The following NTAN1 variants were observed in gnomAD, a reference collection of about 807,000 sequenced individuals.
NTAN1 encodes protein N-terminal asparagine amidohydrolase.
NTAN1 carries 32 observed loss-of-function variants against 41.9 expected under a neutral mutation model. The observed-to-expected ratio is 0.76, with a 90% CI of 0.58 to 1.03. The LOEUF (loss-of-function observed/expected upper bound fraction) is 1.03, where lower values mean the gene tolerates loss of function less well. NTAN1 is among the 50% of genes least tolerant of loss of function. The pLI, the probability that NTAN1 is intolerant of heterozygous loss-of-function variation, is 0.00. For missense variants in NTAN1, 377 were observed against 377.5 expected (o/e 1.00, Z 0.01); for synonymous variants, 140 against 139.5 (o/e 1.00, Z -0.03).
At chr16:15,042,015 T>C (rs2043838058) in intron 5 of NTAN1, among the ~76,000 whole-genome samples, 8 of 152,114 alleles carry the variant, frequency 5.3e-5, no homozygotes. Context: ...TTCCTGATTA[T>C]CAGAATTACA....
intron 5 of NTAN1, among the ~76,000 whole-genome samples, chr16:15,042,950 G>A (rs559388231): frequency 1.3e-5 from 2 of 148,656 alleles, no homozygotes; most frequent in Non-Finnish European, 3.0e-5. Context: ...GCCCATGCTG[G>A]AGTGCAATGG....
At position 15,038,125 on chromosome 16, in the gene NTAN1, G is replaced by GT; in HGVS notation, c.838_839insA (p.Ser280TyrfsTer11). 2 of 1,611,530 alleles carry GT rather than the reference G, an allele frequency of 1.2e-6. No homozygotes were observed. Among genetic ancestry groups the GT allele is most frequent in the Non-Finnish European group, 1.7e-6 (2 of 1,177,648 alleles). On this transcript the variant is annotated frameshift_variant, in exon 10 of 10. Coordinates refer to ENST00000287706, the MANE Select transcript of NTAN1 (RefSeq NM_173474.4). LOFTEE classifies it high-confidence loss of function. ...TCCAGAAAACAGTGTGTGAGCTGGA[G>GT]ATGGGTGTTTTTTTAAAAACATCAA...
intron 6 of NTAN1, 151 bp from the exon 7 acceptor site, chr16:15,041,272 C>T (rs2043803193): frequency 1.5e-6 from 1 of 664,894 alleles, no homozygotes; most frequent in Non-Finnish European, 2.7e-6. Flanking sequence ...TGTTTCCCTA[C>T]CCTGTCCCAA....
At chr16:15,038,491 AC>A (rs1175395330) in intron 9 of NTAN1, 82 bp downstream of exon 9, 8 of 791,678 alleles carry the variant, frequency 1.0e-5, no homozygotes, top group Non-Finnish European at 1.7e-5. Flanking sequence ...AGCAGCTATG[AC>A]CTGGTCTAAA....
intron 7 of NTAN1, chr16:15,040,326 C>G (rs2043756916): frequency 2.5e-6 from 1 of 395,836 alleles, no homozygotes. Context: ...TGGGAGGCAG[C>G]CATTCCTTCA....
chr16:15,055,900 C>G lies in NTAN1; in HGVS notation c.72G>C (p.Pro24=). 1 of 1,229,630 alleles carries G rather than the reference C, an allele frequency of 8.1e-7. No individual in the cohort carries two copies. The allele number at this position is 1,229,630 out of a possible 1,614,324, so 76.2% of individuals were successfully genotyped here. Residue 24 remains proline (P), a synonymous_variant, in exon 1 of 10, where the codon CCG becomes CCC. Transcript: ENST00000287706. ...GCCGCGCCCCACTCACCTCCAAAGGCGGGTGGGCTCGGACGAGGTCCCCGG... is the reference window on the plus strand; with the variant it reads ...GCCGCGCCCCACTCACCTCCAAAGGGGGGTGGGCTCGGACGAGGTCCCCGG... ...QSAGDLVRAH[P]PLEERARLLR... is the part of the protein sequence containing the mutation.
intron 7 of NTAN1, 89 bp downstream of exon 7, chr16:15,040,979 G>T: frequency 1.1e-6 from 1 of 895,786 alleles, no homozygotes; most frequent in Non-Finnish European, 1.9e-6. Context: ...GTCCCATCCT[G>T]ACAGCAGTGG....
intron 8 of NTAN1, 21 bp downstream of exon 8, chr16:15,039,948 C>T: frequency 7.1e-7 from 1 of 1,409,986 alleles, no homozygotes; most frequent in Non-Finnish European, 9.9e-7. Flanking sequence ...AACCCCTTAA[C>T]AAAGATGATT....
At position 15,038,014 on chromosome 16, in the gene NTAN1, T is replaced by C. The variant is rs1205750681; in HGVS notation, c.*17A>G. On this transcript the variant is annotated 3_prime_UTR_variant, in exon 10 of 10. Coordinates refer to ENST00000287706, the MANE Select transcript of NTAN1 (RefSeq NM_173474.4). ...CTGTCAGGCCAAGAAGGTGCTTTCT[T>C]TGGTAATTCATGTTTTTTAACTTCC... is the stretch of plus-strand genomic sequence containing the variant. 6.2e-7 allele frequency: 1 copy of C among 1,601,044 alleles called. No homozygotes were observed. The highest frequency in any genetic ancestry group is 2.2e-5 in the East Asian group (1 of 44,844).
intron 1 of NTAN1, among the ~76,000 whole-genome samples, chr16:15,050,498 T>A (rs534455068): frequency 3.3e-5 from 5 of 152,274 alleles, no homozygotes; most frequent in Admixed American, 1.3e-4. Context: ...TTTGGGAGGC[T>A]GAGGAGGGAG....
chr16:15,048,187 G>T, intron 1 of NTAN1, 88 bp from the exon 2 acceptor site: 1 of 851,026 alleles, frequency 1.2e-6, no homozygotes, highest in Non-Finnish European at 1.9e-6. Flanking sequence ...AGTGGGCTCT[G>T]CGTGGGCAGC....
At position 15,037,949 on chromosome 16, in the gene NTAN1, T is replaced by C. The variant is rs1597734289; in HGVS notation, c.*82A>G. The C allele has an allele frequency of 3.1e-6, 3 of 970,754 alleles. No individual in the cohort carries two copies. Among genetic ancestry groups the C allele is most frequent in the Non-Finnish European group, 3.2e-6 (2 of 629,544 alleles). 60.1% of individuals were successfully genotyped at this position (970,754 alleles called of 1,614,324 possible). On this transcript the variant is annotated 3_prime_UTR_variant, in exon 10 of 10. Coordinates refer to ENST00000287706, the MANE Select transcript of NTAN1 (RefSeq NM_173474.4). ...AAGGAGGCCTAAGACCCAACAGATG[T>C]AGGATCCAGATCTGGATTCGTGCCA...
intron 8 of NTAN1, among the ~76,000 whole-genome samples, chr16:15,039,474 CTT>C (rs2043709890): frequency 6.6e-6 from 1 of 152,148 alleles, no homozygotes; most frequent in Non-Finnish European, 1.5e-5. Context: ...AGTTTTCTAA[CTT>C]TTAAAATTAC....
In NTAN1 at chr16:15,038,552, TACCC is replaced by T; in HGVS notation, c.753+18_753+21del. 1 of 1,313,844 alleles carries T rather than the reference TACCC, an allele frequency of 7.6e-7. No individual in the cohort carries two copies. Among genetic ancestry groups the T allele is most frequent in the Non-Finnish European group, 1.1e-6 (1 of 911,062 alleles). The allele number at this position is 1,313,844 out of a possible 1,614,324, so 81.4% of individuals were successfully genotyped here. ...AACCAGGGTGCAGAGATTTAAGACT[TACCC>T]AGCCTGTAAACTCTCACCTCTAGTA... On this transcript the variant is annotated intron_variant, in intron 9 of 9. Coordinates refer to ENST00000287706, the MANE Select transcript of NTAN1 (RefSeq NM_173474.4).
rs577514889 is a variant in NTAN1 at position 15,042,756 on chromosome 16, G to A, written c.434-1080C>T. ...TATTTATTTATTTATTTATTGAGACGAAGTCTCGCTCTGTCACCCAGGCTG... is the reference window on the plus strand; with the variant it reads ...TATTTATTTATTTATTTATTGAGACAAAGTCTCGCTCTGTCACCCAGGCTG... On this transcript the variant is annotated intron_variant, in intron 5 of 9. Transcript: ENST00000287706. Among the ~76,000 whole-genome samples the A allele has an allele frequency of 4.1e-3, 336 of 81,050 alleles. 1 individual carries two copies. Among genetic ancestry groups the A allele is most frequent in the Admixed American group, 8.5e-3 (52 of 6,130 alleles). 53.2% of individuals were successfully genotyped at this position (81,050 alleles called of 152,430 possible). A position where few individuals can be genotyped will look rare whatever the true frequency, so the allele number is the denominator to read the frequency against.
At chr16:15,043,039 T>G (rs1200196316) in intron 5 of NTAN1, among the ~76,000 whole-genome samples, 1 of 152,138 alleles carries the variant, frequency 6.6e-6, no homozygotes, top group Non-Finnish European at 1.5e-5. Context: ...TAGCTGGGAT[T>G]ACAGGCATGC....
At chr16:15,053,681 C>A (rs1220572538) in intron 1 of NTAN1, among the ~76,000 whole-genome samples, 1 of 151,994 alleles carries the variant, frequency 6.6e-6, no homozygotes, top group Non-Finnish European at 1.5e-5. Context: ...GAGGCCGAGA[C>A]GGGCAGATCA....
intron 7 of NTAN1, 26 bp from the exon 8 acceptor site, chr16:15,040,092 G>A (rs748117670): frequency 7.5e-7 from 1 of 1,330,128 alleles, no homozygotes; most frequent in Non-Finnish European, 1.1e-6. Context: ...GGATGACTCT[G>A]AATTGACAAA....
At chr16:15,055,656 T>C in intron 1 of NTAN1, 1 of 355,246 alleles carries the variant, frequency 2.8e-6, no homozygotes, top group Non-Finnish European at 5.0e-6. Context: ...TCACCTAACC[T>C]CTCTGGGCCC....
Sources: gnomAD v4.1 joint callset for allele counts (sites outside exome capture counted in the v4.1 genomes callset) on GRCh38, gnomAD v4.1.1 for gene constraint, MANE v1.5 for transcripts, NCBI Gene and HGNC (gene_info 2026-07-23, HGNC 2026-07-21) for gene names.